Variants in FMN2 observed in about 807,000 individuals in gnomAD.
The protein encoded by FMN2 is formin 2, also known as formin-2.
A neutral mutation model predicts 142.3 loss-of-function variants in FMN2; 51 were observed. The observed-to-expected ratio is 0.36, with a 90% CI of 0.29 to 0.45. FMN2 has a LOEUF of 0.45. Ranked by LOEUF, FMN2 falls within the 20% of genes least tolerant of loss-of-function variation. The pLI is 1.00. For missense variants in FMN2, 1,936 were observed against 2,122.8 expected (o/e 0.91, Z 1.73); for synonymous variants, 882 against 869.8 (o/e 1.01, Z -0.25).
intron 15 of FMN2, among the ~76,000 whole-genome samples, chr1:240,412,082 C>T (rs961399220): frequency 2.6e-5 from 4 of 152,082 alleles, no homozygotes; most frequent in Non-Finnish European, 5.9e-5. Context: ...ATTTGAGTTG[C>T]TGCTAGTGGA....
chr1:240,145,163 T>C (rs1430436829), intron 2 of FMN2: 3 of 1,471,966 alleles, frequency 2.0e-6, no homozygotes, highest in Non-Finnish European at 2.8e-6. Flanking sequence ...CGCTGGTCGA[T>C]ACAGGGATGT....
At chr1:240,122,962 G>C (rs1333700727) in intron 1 of FMN2, among the ~76,000 whole-genome samples, 1 of 152,138 alleles carries the variant, frequency 6.6e-6, no homozygotes, top group Non-Finnish European at 1.5e-5. Flanking sequence ...GTATTTAGGG[G>C]GATGAGAGAG....
At chr1:240,421,208 G>A (rs899193909) in intron 15 of FMN2, among the ~76,000 whole-genome samples, 33 of 152,018 alleles carry the variant, frequency 2.2e-4, no homozygotes, top group Admixed American at 1.5e-3. Flanking sequence ...CAAGGCCCTT[G>A]GCCAACTTTT....
intron 7 of FMN2, among the ~76,000 whole-genome samples, chr1:240,269,317 G>A (rs1015110712): frequency 5.9e-5 from 9 of 151,930 alleles, no homozygotes; most frequent in African/African-American, 1.9e-4. Flanking sequence ...TCCCCATTCT[G>A]TGTTCTTGAC....
chr1:240,143,701 C>T, intron 2 of FMN2: 1 of 1,595,334 alleles, frequency 6.3e-7, no homozygotes, highest in Non-Finnish European at 8.6e-7. Flanking sequence ...GAGACCCAGT[C>T]CAAGAGGAAG....
intron 11 of FMN2, among the ~76,000 whole-genome samples, chr1:240,332,038 G>A (rs556127233): frequency 8.6e-5 from 13 of 151,882 alleles, no homozygotes; most frequent in Non-Finnish European, 1.9e-4. Context: ...CTCTGTGTAC[G>A]TGTGTGTGTG....
intron 16 of FMN2, chr1:240,458,077 T>A (rs1676312457): frequency 6.6e-6 from 1 of 152,192 alleles, no homozygotes; most frequent in Non-Finnish European, 1.5e-5. Flanking sequence ...TAACACGCTC[T>A]TGAGGCATTG....
rs1273712596 is a variant in FMN2, at chr1:240,207,508, C to T, written c.2696C>T (p.Pro899Leu). The T allele has an allele frequency of 2.5e-6, 4 of 1,613,584 alleles. No individual in the cohort carries two copies. Among genetic ancestry groups the T allele is most frequent in the Non-Finnish European group, 2.5e-6 (3 of 1,179,814 alleles). The change falls in exon 5 of 18, where the codon CCT (proline) becomes CTT (leucine). Residue 899 changes from proline to leucine, a missense_variant. Coordinates refer to ENST00000319653, the MANE Select transcript of FMN2 (RefSeq NM_020066.5). ...PTLPSTAIPQPPPLQGTEMLP... is the reference protein window; with the variant it reads ...PTLPSTAIPQLPPLQGTEMLP... ...CTGCCCAGTACAGCCATTCCCCAAC[C>T]TCCTCCTCTGCAGGGTACAGAAATG...
chr1:240,220,336 C>T (rs1667056716), intron 6 of FMN2, among the ~76,000 whole-genome samples: 2 of 152,258 alleles, frequency 1.3e-5, no homozygotes, highest in African/African-American at 4.8e-5. Context: ...CCAAGAAGAC[C>T]ATAGTTCTCT....
chr1:240,425,204 T>TGAGAGAGAGAGAGAGAGAGAGAGA lies in FMN2; in HGVS notation c.4911-12849_4911-12826dup, dbSNP rs142399934. 1.6e-4 allele frequency among the ~76,000 whole-genome samples: 21 copies of TGAGAGAGAGAGAGAGAGAGAGAGA among 134,946 alleles called. 1 individual carries two copies. The highest frequency in any genetic ancestry group is 2.1e-4 in the African/African-American group (8 of 37,332). The allele number at this position is 134,946 out of a possible 152,430, so 88.5% of individuals were successfully genotyped here. A position where few individuals can be genotyped will look rare whatever the true frequency, so the allele number is the denominator to read the frequency against. ...TCACTAAGCAAGGATTTGAATGAGG[T>TGAGAGAGAGAGAGAGAGAGAGAGA]GAGAGAGAGAGAGAGAGAGAGAGAG... On this transcript the variant is annotated intron_variant, in intron 15 of 17. Coordinates refer to ENST00000319653, the MANE Select transcript of FMN2 (RefSeq NM_020066.5).
chr1:240,437,013 G>A (rs137954787), intron 15 of FMN2, among the ~76,000 whole-genome samples: 70 of 152,218 alleles, frequency 4.6e-4, no homozygotes, highest in African/African-American at 1.5e-3. Context: ...ACGCGTTATC[G>A]ACTGTATTGG....
rs566199725 is a variant in FMN2, at chr1:240,382,459, G to A, written c.4859-10052G>A. Among the ~76,000 whole-genome samples the A allele has an allele frequency of 5.3e-5, 8 of 152,110 alleles. No homozygotes were observed. In the East Asian group the frequency reaches 5.8e-4, roughly 11 times the overall value. Reference sequence around the variant, plus strand: ...GCGGATCACCTGAGGTCAGGAGTTCGAGACCAGCCTGGCCAACATGGTGAA... The same window carrying A: ...GCGGATCACCTGAGGTCAGGAGTTCAAGACCAGCCTGGCCAACATGGTGAA... On this transcript the variant is annotated intron_variant, in intron 14 of 17. Transcript: ENST00000319653.
chr1:240,287,191 T>G (rs1396943185), intron 7 of FMN2, among the ~76,000 whole-genome samples: 3 of 152,184 alleles, frequency 2.0e-5, no homozygotes, highest in African/African-American at 4.8e-5. Flanking sequence ...CTCCCTGCAG[T>G]TCCTCAGAGA....
intron 2 of FMN2, among the ~76,000 whole-genome samples, chr1:240,142,310 CTG>C (rs1663217629): frequency 6.6e-6 from 1 of 152,020 alleles, no homozygotes; most frequent in South Asian, 2.1e-4. Context: ...CAAAATATAA[CTG>C]AGATTAAAGA....
intron 7 of FMN2, among the ~76,000 whole-genome samples, chr1:240,269,827 T>G (rs570309184): frequency 6.6e-6 from 1 of 152,142 alleles, no homozygotes; most frequent in African/African-American, 2.4e-5. Context: ...TTCTTTTTTC[T>G]TTTTCAGACT....
chr1:240,211,788 G>A (rs1485137833), intron 6 of FMN2, among the ~76,000 whole-genome samples: 1 of 152,088 alleles, frequency 6.6e-6, no homozygotes, highest in East Asian at 1.9e-4. Context: ...TGACATTTTT[G>A]AGTCATAAAA....
chr1:240,242,868 G>A (rs749917987), intron 6 of FMN2, among the ~76,000 whole-genome samples: 1 of 152,204 alleles, frequency 6.6e-6, no homozygotes, highest in African/African-American at 2.4e-5. Context: ...TCACCAATTA[G>A]CAAACTGTAA....
chr1:240,337,656 G>T (rs72766289), intron 13 of FMN2, among the ~76,000 whole-genome samples: 27,881 of 151,872 alleles, frequency 0.18, 3,326 homozygotes, highest in African/African-American at 0.33. Flanking sequence ...ATAAGCAGTG[G>T]GATTAGTTTG....
Position 240,344,336 on chromosome 1 carries a change from C to G in FMN2, c.4765+10107C>G, listed in dbSNP as rs12041257. 4.4e-3 allele frequency among the ~76,000 whole-genome samples: 673 copies of G among 152,276 alleles called. 30 individuals are homozygous for G. In the East Asian group the frequency reaches 0.12, roughly 26 times the overall value. On this transcript the variant is annotated intron_variant, in intron 13 of 17. Coordinates refer to ENST00000319653, the MANE Select transcript of FMN2 (RefSeq NM_020066.5). ...ATAAAATTGTGTCATTCCATGATTTCCTTCAAGTCAATAGTATGTAGGTTA... is the reference window on the plus strand; with the variant it reads ...ATAAAATTGTGTCATTCCATGATTTGCTTCAAGTCAATAGTATGTAGGTTA...
Sources: allele counts gnomAD v4.1 joint callset (sites outside exome capture counted in the v4.1 genomes callset), GRCh38; gene constraint gnomAD v4.1.1; transcripts MANE v1.5; gene names NCBI Gene and HGNC (gene_info 2026-07-23, HGNC 2026-07-21).